GRIP1: variants seen among roughly 807,000 people sequenced by gnomAD.
GRIP1 encodes glutamate receptor interacting protein 1, also known as glutamate receptor-interacting protein 1.
GRIP1 carries 45 observed loss-of-function variants against 129.9 expected under a neutral mutation model. The ratio of observed to expected loss-of-function variants is 0.35; its 90% CI spans 0.27 to 0.44. The LOEUF is 0.44. GRIP1 is among the 20% of genes least tolerant of loss of function. The probability of loss-of-function intolerance (pLI) is 1.00; values close to 1 mark genes in which losing one functional copy is unlikely to be tolerated. For missense variants in GRIP1, 1,196 were observed against 1,396.8 expected (o/e 0.86, Z 2.29); for synonymous variants, 530 against 520.8 (o/e 1.02, Z -0.24).
intron 23 of GRIP1, among the ~76,000 whole-genome samples, chr12:66,367,182 C>G (rs1040625857): frequency 6.6e-6 from 1 of 152,102 alleles, no homozygotes; most frequent in East Asian, 1.9e-4. Flanking sequence ...ATCACAGGCC[C>G]CTTATCTGCA....
chr12:66,527,696 T>A (rs933614652), intron 5 of GRIP1, among the ~76,000 whole-genome samples: 2 of 151,836 alleles, frequency 1.3e-5, no homozygotes, highest in Non-Finnish European at 2.9e-5. Context: ...TAAAAAAAAA[T>A]TTCTGACTGT....
At chr12:67,066,519 C>A (rs1051084269) in intron 1 of GRIP1, among the ~76,000 whole-genome samples, 1 of 152,010 alleles carries the variant, frequency 6.6e-6, no homozygotes, top group Non-Finnish European at 1.5e-5. Flanking sequence ...ATGTGGAAAG[C>A]GCAGTGGTTT....
chr12:66,859,260 A>G (rs12815146), intron 1 of GRIP1, among the ~76,000 whole-genome samples: 22,910 of 66,544 alleles, frequency 0.34, 3,245 homozygotes, highest in Non-Finnish European at 0.53. Flanking sequence ...ACATTTTCTG[A>G]AAAAAAACAA....
At chr12:66,363,225 A>ATATATATATATATG (rs1363141435) in intron 23 of GRIP1, among the ~76,000 whole-genome samples, 4 of 133,836 alleles carry the variant, frequency 3.0e-5, no homozygotes, top group Non-Finnish European at 6.4e-5. Context: ...ATATATATAT[A>ATATATATATATATG]TATAAAGTTT....
At chr12:66,853,417 T>C (rs993377910) in intron 1 of GRIP1, among the ~76,000 whole-genome samples, 12 of 152,062 alleles carry the variant, frequency 7.9e-5, no homozygotes, top group Admixed American at 7.2e-4. Context: ...GCAAACTGTT[T>C]GACTGAACTT....
rs771193670 is a variant in GRIP1, at chr12:66,678,886, TAA to T, written c.17_18del (p.Phe6Ter). On this transcript the variant is annotated frameshift_variant, in exon 1 of 25. Coordinates refer to ENST00000359742, the MANE Select transcript of GRIP1 (RefSeq NM_001366722.1). LOFTEE classifies it high-confidence loss of function. Reference sequence around the variant, plus strand: ...CGCCTCAGAATTTGACAACGGCATTTAAAAGAGACAGCTATCATTCTTGCTCA... The same window carrying T: ...CGCCTCAGAATTTGACAACGGCATTTAAGAGACAGCTATCATTCTTGCTCA... MIAVSFKCRCQILRRL... is the reference protein window; with the variant it reads MIAVSXKCRCQILRRL... 3.7e-6 allele frequency: 6 copies of T among 1,613,370 alleles called. No individual in the cohort carries two copies. Among genetic ancestry groups the T allele is most frequent in the Non-Finnish European group, 5.1e-6 (6 of 1,179,630 alleles).
intron 20 of GRIP1, among the ~76,000 whole-genome samples, chr12:66,378,320 C>G (rs987141335): frequency 3.9e-5 from 6 of 152,106 alleles, no homozygotes; most frequent in Non-Finnish European, 7.4e-5. Context: ...GGCGTGTTGG[C>G]AGGTGCCTGC....
At chr12:66,602,237 C>G (rs138250457) in intron 1 of GRIP1, among the ~76,000 whole-genome samples, 3 of 152,126 alleles carry the variant, frequency 2.0e-5, no homozygotes, top group Admixed American at 6.6e-5. Flanking sequence ...TAGACACCAG[C>G]CTTCCAGTTC....
At chr12:66,775,199 G>A (rs2037940868) in intron 1 of GRIP1, among the ~76,000 whole-genome samples, 1 of 152,196 alleles carries the variant, frequency 6.6e-6, no homozygotes. Flanking sequence ...AGAGGGAGGA[G>A]AGAGAATAGG....
chr12:66,833,474 C>T (rs11176442), intron 1 of GRIP1, among the ~76,000 whole-genome samples: 25,623 of 152,040 alleles, frequency 0.17, 2,823 homozygotes, highest in African/African-American at 0.3. Context: ...CTGAAGAAAC[C>T]AATGGCTACT....
chr12:66,807,790 C>G (rs73130860), upstream of GRIP1, among the ~76,000 whole-genome samples: 1 of 151,794 alleles, frequency 6.6e-6, no homozygotes, highest in African/African-American at 2.4e-5. Flanking sequence ...TGCCGCTATG[C>G]TTCCTTTACA....
chr12:66,354,632 T>C (rs2137093909), intron 23 of GRIP1, among the ~76,000 whole-genome samples: 1 of 152,340 alleles, frequency 6.6e-6, no homozygotes, highest in East Asian at 1.9e-4. Flanking sequence ...TGTAATTATA[T>C]ATATATATTT....
intron 1 of GRIP1, among the ~76,000 whole-genome samples, chr12:66,850,768 T>A (rs1252257): frequency 0.27 from 40,752 of 151,584 alleles, 6,751 homozygotes; most frequent in Non-Finnish European, 0.37. Context: ...CAGATAGGTA[T>A]CAGCCAGCAT....
chr12:66,733,900 A>C (rs1490706468), intron 1 of GRIP1, among the ~76,000 whole-genome samples: 1 of 152,162 alleles, frequency 6.6e-6, no homozygotes, highest in Non-Finnish European at 1.5e-5. Context: ...CTTTCATGAC[A>C]TTTCAGAGGT....
chr12:66,950,172 T>C (rs545849939), intron 1 of GRIP1, among the ~76,000 whole-genome samples: 65 of 152,326 alleles, frequency 4.3e-4, no homozygotes, highest in Admixed American at 1.5e-3. Context: ...CCCTGACTTA[T>C]AGACTGAAAG....
chr12:66,599,143 AC>A (rs1248127540), intron 1 of GRIP1, among the ~76,000 whole-genome samples: 1 of 151,966 alleles, frequency 6.6e-6, no homozygotes, highest in East Asian at 1.9e-4. Context: ...CTCCATCACC[AC>A]CCCCAACCTC....
At position 66,445,522 on chromosome 12, in the gene GRIP1, C is replaced by T. The variant is rs769967727; in HGVS notation, c.1355-14G>A. 3 of 1,598,750 alleles carry T rather than the reference C, an allele frequency of 1.9e-6. No individual in the cohort carries two copies. The highest frequency in any genetic ancestry group is 2.6e-6 in the Non-Finnish European group (3 of 1,169,266). On this transcript the variant is annotated splice_polypyrimidine_tract_variant and intron_variant, in intron 11 of 24. Transcript: ENST00000359742. ...AGGCTAAGGACACTAGAGGAACAAA[C>T]AGAAAATACTGACTTTAGGTTGGAG...
intron 1 of GRIP1, among the ~76,000 whole-genome samples, chr12:66,945,447 GTGCAGGAAGCATGGTGC>G (rs2041652877): frequency 6.6e-6 from 1 of 152,168 alleles, no homozygotes; most frequent in Non-Finnish European, 1.5e-5. Context: ...TTGGCAGGCT[GTGCAGGAAGCATGGTGC>G]TGCCACCTGC....
intron 1 of GRIP1, among the ~76,000 whole-genome samples, chr12:66,992,808 A>C (rs564635270): frequency 2.0e-5 from 3 of 152,244 alleles, no homozygotes; most frequent in Non-Finnish European, 4.4e-5. Flanking sequence ...ACATACTTCC[A>C]AATAACCAAT....
Sources: allele counts gnomAD v4.1 joint callset (sites outside exome capture counted in the v4.1 genomes callset), GRCh38; gene constraint gnomAD v4.1.1; transcripts MANE v1.5; gene names NCBI Gene and HGNC (gene_info 2026-07-23, HGNC 2026-07-21).